MON2: variants seen among roughly 807,000 people sequenced by gnomAD.
MON2 encodes MON2 regulator of endosome-to-Golgi trafficking.
A neutral mutation model predicts 208.6 loss-of-function variants in MON2; 84 were observed. That is an observed-to-expected ratio of 0.40 (90% confidence interval 0.34 to 0.48). The LOEUF is 0.48. Among genes scored for constraint, MON2 ranks in the 20% least tolerant of loss-of-function variants. The pLI is 0.59. For missense variants in MON2, 1,611 were observed against 2,015.4 expected (o/e 0.80, Z 3.84); for synonymous variants, 660 against 694.0 (o/e 0.95, Z 0.77).
At chr12:62,552,576 T>C (rs1205355643) in intron 23 of MON2, among the ~76,000 whole-genome samples, 1 of 152,054 alleles carries the variant, frequency 6.6e-6, no homozygotes, top group African/African-American at 2.4e-5. Context: ...AGGTGGTAGA[T>C]ACATCAATAT....
At chr12:62,489,856 C>G (rs1000843671) in intron 2 of MON2, among the ~76,000 whole-genome samples, 5 of 152,202 alleles carry the variant, frequency 3.3e-5, no homozygotes, top group African/African-American at 7.2e-5. Flanking sequence ...GAATGTCAGT[C>G]TTCCCCAGAA....
intron 1 of MON2, among the ~76,000 whole-genome samples, chr12:62,472,563 T>C (rs953071921): frequency 2.0e-5 from 3 of 152,236 alleles, no homozygotes; most frequent in Non-Finnish European, 4.4e-5. Flanking sequence ...TTTCTTGTGA[T>C]AGAGTTCCTC....
intron 30 of MON2, among the ~76,000 whole-genome samples, chr12:62,572,900 A>T (rs1392601185): frequency 6.6e-6 from 1 of 152,234 alleles, no homozygotes; most frequent in Non-Finnish European, 1.5e-5. Context: ...TGGCATATGG[A>T]TAATGATTGA....
chr12:62,524,431 T>A, intron 8 of MON2, 84 bp from the exon 9 acceptor site: 1 of 1,119,308 alleles, frequency 8.9e-7, no homozygotes, highest in Non-Finnish European at 1.3e-6. Flanking sequence ...GGTTTGTCCA[T>A]AGCACTAAGT....
intron 11 of MON2, among the ~76,000 whole-genome samples, chr12:62,528,312 T>C (rs2072444996): frequency 1.3e-5 from 2 of 152,224 alleles, no homozygotes; most frequent in African/African-American, 2.4e-5. Context: ...TATTGACTGC[T>C]TGAGTATAAT....
rs148537436 is a variant in MON2, at chr12:62,586,511, T to C, written c.4907+1010T>C. 1.2e-3 allele frequency among the ~76,000 whole-genome samples: 178 copies of C among 152,352 alleles called. 2 individuals are homozygous for C. The highest frequency in any genetic ancestry group is 7.9e-4 in the Non-Finnish European group (54 of 68,030). ...GTTTATCATTTATCTTTTTCTAATT[T>C]GATGAATGAAAAATAGTCATGTGGT... On this transcript the variant is annotated intron_variant, in intron 33 of 34. Coordinates refer to ENST00000393630, the MANE Select transcript of MON2 (RefSeq NM_015026.3).
At chr12:62,558,715 G>T in intron 25 of MON2, among the ~76,000 whole-genome samples, 1 of 146,008 alleles carries the variant, frequency 6.8e-6, no homozygotes, top group East Asian at 2.0e-4. Flanking sequence ...TTGAGATGGA[G>T]TTTTGGAGTT....
chr12:62,501,823 T>C (rs1326914409), intron 7 of MON2, 125 bp downstream of exon 7: 1 of 975,210 alleles, frequency 1.0e-6, no homozygotes, highest in Non-Finnish European at 1.5e-6. Flanking sequence ...TGGTGGTTCA[T>C]GCCTGTAATT....
Position 62,588,122 on chromosome 12 carries a change from T to C in MON2, c.4956T>C (p.Leu1652=), listed in dbSNP as rs1468150103. Residue 1652 remains leucine, a synonymous_variant, in exon 34 of 35, where the codon CTT becomes CTC. Coordinates refer to ENST00000393630, the MANE Select transcript of MON2 (RefSeq NM_015026.3). ...IIFVLKAVST[L]IDSLKKTQPE... The stretch of plus-strand genomic sequence containing the variant: ...TTGTTTTAAAAGCAGTCAGTACTCT[T>C]ATTGATTCACTTAAGAAAACTCAGC... The C allele has an allele frequency of 5.1e-6, 8 of 1,583,372 alleles. No homozygotes were observed. The South Asian group carries it at 6.7e-5, about 13-fold the overall frequency.
At chr12:62,480,914 C>T (rs2069387468) in intron 1 of MON2, among the ~76,000 whole-genome samples, 1 of 152,192 alleles carries the variant, frequency 6.6e-6, no homozygotes, top group Non-Finnish European at 1.5e-5. Flanking sequence ...AGAAGTTAAA[C>T]TCGAAAATGA....
Position 62,500,801 on chromosome 12 carries a change from T to C in MON2, c.584T>C (p.Val195Ala), listed in dbSNP as rs1256106591. 2 of 1,592,472 alleles carry C rather than the reference T, an allele frequency of 1.3e-6. No homozygotes were observed. Among genetic ancestry groups the C allele is most frequent in the Middle Eastern group, 1.7e-4 (1 of 6,020 alleles). The change falls in exon 6 of 35, where the codon GTA (valine) becomes GCA (alanine). Residue 195 changes from valine to alanine, a missense_variant. Transcript: ENST00000393630. Reference protein sequence around the residue: ...ERHRDIIEQPVLVQGNSNRRS... With the variant: ...ERHRDIIEQPALVQGNSNRRS... ...ATTGCAGATATTATAGAACAACCAG[T>C]ACTGGTACAAGGAAATAGTAACAGA...
At chr12:62,547,508 A>C (rs1048007754) in intron 22 of MON2, among the ~76,000 whole-genome samples, 2 of 152,228 alleles carry the variant, frequency 1.3e-5, no homozygotes, top group African/African-American at 4.8e-5. Flanking sequence ...AAATTGCTTT[A>C]AAGTAACTTT....
intron 26 of MON2, among the ~76,000 whole-genome samples, chr12:62,562,680 T>C (rs1422036860): frequency 2.0e-5 from 3 of 152,182 alleles, no homozygotes; most frequent in Non-Finnish European, 4.4e-5. Context: ...TACTTGCTTT[T>C]GGACTTTATC....
At chr12:62,497,131 G>A (rs2070545454) in intron 4 of MON2, among the ~76,000 whole-genome samples, 1 of 132,768 alleles carries the variant, frequency 7.5e-6, no homozygotes, top group African/African-American at 2.9e-5. Context: ...CACAGGAAGG[G>A]GAACATCACA....
intron 8 of MON2, among the ~76,000 whole-genome samples, chr12:62,516,623 G>A (rs2071703629): frequency 6.6e-6 from 1 of 152,202 alleles, no homozygotes; most frequent in African/African-American, 2.4e-5. Flanking sequence ...AGAATCGCTT[G>A]AACCCAGGAG....
rs1300484995 is a variant in MON2, at chr12:62,599,236, A to G, written c.*6487A>G. 1.3e-5 allele frequency: 2 copies of G among 152,258 alleles called. No homozygotes were observed. The highest frequency in any genetic ancestry group is 2.1e-4 in the South Asian group (1 of 4,836). The allele number at this position is 152,258 out of a possible 1,614,324, so 9.4% of individuals were successfully genotyped here. On this transcript the variant is annotated 3_prime_UTR_variant, in exon 35 of 35. Transcript: ENST00000393630. ...AAGTGTCTCTCAATAGTTTAGAAAGAAAGATTTGGAACTTTAAGTAAAAAT... is the reference window on the plus strand; with the variant it reads ...AAGTGTCTCTCAATAGTTTAGAAAGGAAGATTTGGAACTTTAAGTAAAAAT...
intron 1 of MON2, 42 bp downstream of exon 1, chr12:62,467,360 C>G (rs1261385829): frequency 1.3e-6 from 2 of 1,510,462 alleles, no homozygotes; most frequent in Non-Finnish European, 1.8e-6. Context: ...TGTGAGCATG[C>G]CTGGTCCTGT....
At position 62,553,058 on chromosome 12, in the gene MON2, C is replaced by G; in HGVS notation, c.3094C>G (p.Leu1032Val). The G allele has an allele frequency of 6.2e-7, 1 of 1,614,120 alleles. No homozygotes were observed. The highest frequency in any genetic ancestry group is 8.5e-7 in the Non-Finnish European group (1 of 1,180,004). The change falls in exon 24 of 35, where the codon CTA becomes GTA. Residue 1032 changes from leucine to valine, a missense_variant. Transcript: ENST00000393630. ...ATGTCTTTATGCAAAATTGGGTGAA[C>G]TATGTGTGGATCCCCGTCCTGCTGT... ...WLCLYAKLGE[L>V]CVDPRPAVRK...
chr12:62,483,557 A>C (rs1039802353), intron 1 of MON2, among the ~76,000 whole-genome samples: 3 of 152,122 alleles, frequency 2.0e-5, no homozygotes, highest in African/African-American at 7.2e-5. Context: ...CTCTACTAAA[A>C]ATACAAAAAT....
Sources: gnomAD v4.1 joint callset for allele counts (sites outside exome capture counted in the v4.1 genomes callset) on GRCh38, gnomAD v4.1.1 for gene constraint, MANE v1.5 for transcripts, NCBI Gene and HGNC (gene_info 2026-07-23, HGNC 2026-07-21) for gene names.